DNER: variants seen among roughly 807,000 people sequenced by gnomAD.
DNER encodes the protein delta/notch like EGF repeat containing.
A neutral mutation model predicts 78.2 loss-of-function variants in DNER; 33 were observed. The ratio of observed to expected loss-of-function variants is 0.42; its 90% CI spans 0.32 to 0.56. The LOEUF is 0.56. DNER is among the 20% of genes least tolerant of loss of function. The pLI is 0.11. For missense variants in DNER, 918 were observed against 975.3 expected (o/e 0.94, Z 0.78); for synonymous variants, 417 against 384.8 (o/e 1.08, Z -0.98).
At chr2:229,388,652 T>A (rs1692954600) in intron 10 of DNER, among the ~76,000 whole-genome samples, 2 of 116,864 alleles carry the variant, frequency 1.7e-5, no homozygotes, top group Non-Finnish European at 3.5e-5. Context: ...TATATAGCAC[T>A]GGTAAAAAGA....
chr2:229,476,860 A>G lies in DNER; in HGVS notation c.1261+280T>C, dbSNP rs566956674. On this transcript the variant is annotated intron_variant, in intron 7 of 12. Coordinates refer to ENST00000341772, the MANE Select transcript of DNER (RefSeq NM_139072.4). Reference sequence around the variant, plus strand: ...CAAACAAAATAGAAATCTTAAGTAAATTGTCACCATTAGAGATTCTATTTT... The same window carrying G: ...CAAACAAAATAGAAATCTTAAGTAAGTTGTCACCATTAGAGATTCTATTTT... Among the ~76,000 whole-genome samples, 5 of 152,010 alleles carry G rather than the reference A, an allele frequency of 3.3e-5. No individual in the cohort carries two copies. The South Asian group carries it at 1.0e-3, about 32-fold the overall frequency.
intron 4 of DNER, among the ~76,000 whole-genome samples, chr2:229,581,515 G>C (rs1212052089): frequency 6.6e-6 from 1 of 152,222 alleles, no homozygotes; most frequent in East Asian, 1.9e-4. Context: ...AGAGAGGCCA[G>C]AAGAGTCGAA....
Position 229,357,939 on chromosome 2 carries a change from C to T in DNER, c.*601G>A, listed in dbSNP as rs1046205062. ...CGTATGTTTTTGAGGCCTAGTTCGA[C>T]GACTGTTACGAAAATGACAAAAACA... On this transcript the variant is annotated 3_prime_UTR_variant, in exon 13 of 13. Transcript: ENST00000341772. 7 of 152,594 alleles carry T rather than the reference C, an allele frequency of 4.6e-5. No individual in the cohort carries two copies. The highest frequency in any genetic ancestry group is 8.8e-5 in the Non-Finnish European group (6 of 68,026). 9.5% of individuals were successfully genotyped at this position (152,594 alleles called of 1,614,324 possible). A position where few individuals can be genotyped will look rare whatever the true frequency, so the allele number is the denominator to read the frequency against.
chr2:229,358,575 G>A lies in DNER; in HGVS notation c.2179C>T (p.Pro727Ser). ...TTAGTTTTAATCAGTGTGACCAAGG[G>A]TTTGTCATCAGGACTGTAATCTTCA... ...AYEDYSPDDK[P>S]LVTLIKTKDL The change falls in exon 13 of 13, where the codon CCC becomes TCC. Residue 727 changes from proline to serine, a missense_variant. Physicochemically the swap from Pro to Ser is moderately conservative, Grantham distance 74. Transcript: ENST00000341772. The A allele has an allele frequency of 6.2e-7, 1 of 1,613,498 alleles. No individual in the cohort carries two copies. The highest frequency in any genetic ancestry group is 8.5e-7 in the Non-Finnish European group (1 of 1,179,706).
intron 5 of DNER, among the ~76,000 whole-genome samples, chr2:229,543,778 A>C (rs1350396778): frequency 6.6e-6 from 1 of 152,192 alleles, no homozygotes. Context: ...CCCATAGACA[A>C]GTCCTGCATA....
At position 229,645,097 on chromosome 2, in the gene DNER, A is replaced by G. The variant is rs142129303; in HGVS notation, c.277-53209T>C. On this transcript the variant is annotated intron_variant, in intron 1 of 12. Coordinates refer to ENST00000341772, the MANE Select transcript of DNER (RefSeq NM_139072.4). ...TGGCATGATCAATCTCCTGGGCCCA[A>G]GCAATCATCCTGCCTAAGCTTCCTG... Among the ~76,000 whole-genome samples the G allele has an allele frequency of 9.8e-4, 149 of 152,288 alleles. 1 individual carries two copies. The highest frequency in any genetic ancestry group is 3.1e-3 in the African/African-American group (129 of 41,562).
Position 229,714,530 on chromosome 2 carries a change from C to T in DNER, c.-107G>A, listed in dbSNP as rs1264235569. 1.9e-6 allele frequency: 2 copies of T among 1,043,132 alleles called. No individual in the cohort carries two copies. Among genetic ancestry groups the T allele is most frequent in the South Asian group, 4.4e-5 (1 of 22,618 alleles). The allele number at this position is 1,043,132 out of a possible 1,614,324, so 64.6% of individuals were successfully genotyped here. ...GCGACGGTGGCGGCTAGGGCTGCTC[C>T]GCCGGGCCGGGCGCCTCCTGCAGCT... On this transcript the variant is annotated 5_prime_UTR_variant, in exon 1 of 13. Transcript: ENST00000341772.
chr2:229,375,327 T>C (rs1279708361), intron 11 of DNER, among the ~76,000 whole-genome samples: 1 of 152,240 alleles, frequency 6.6e-6, no homozygotes, highest in Non-Finnish European at 1.5e-5. Context: ...TATCAAGGCC[T>C]AAGGCTCAGA....
rs1275381868 is a variant in DNER, at chr2:229,358,574, G to C, written c.2180C>G (p.Pro727Arg). The C allele has an allele frequency of 2.5e-6, 4 of 1,613,172 alleles. No individual in the cohort carries two copies. The highest frequency in any genetic ancestry group is 3.4e-6 in the Non-Finnish European group (4 of 1,179,666). ...TTTAGTTTTAATCAGTGTGACCAAG[G>C]GTTTGTCATCAGGACTGTAATCTTC... ...AYEDYSPDDK[P>R]LVTLIKTKDL The change falls in exon 13 of 13, where the codon CCC becomes CGC. Residue 727 changes from proline (P) to arginine (R), a missense_variant. By Grantham distance (103) the Pro-to-Arg change is moderately radical. Transcript: ENST00000341772.
At chr2:229,518,451 T>C (rs560161655) in intron 5 of DNER, among the ~76,000 whole-genome samples, 1 of 152,316 alleles carries the variant, frequency 6.6e-6, no homozygotes, top group South Asian at 2.1e-4. Context: ...CCTGTCACAT[T>C]GTGTAAGTGC....
chr2:229,615,256 A>G (rs368169051), intron 1 of DNER, among the ~76,000 whole-genome samples: 2 of 151,860 alleles, frequency 1.3e-5, no homozygotes, highest in East Asian at 1.9e-4. Flanking sequence ...TACTAAAAAT[A>G]CAAAATTAGC....
At chr2:229,439,274 A>G (rs1230789793) in intron 8 of DNER, among the ~76,000 whole-genome samples, 1 of 152,204 alleles carries the variant, frequency 6.6e-6, no homozygotes, top group East Asian at 1.9e-4. Flanking sequence ...AACCTCATAT[A>G]AAAAGAATAA....
intron 10 of DNER, among the ~76,000 whole-genome samples, chr2:229,393,507 T>C (rs1243392662): frequency 1.3e-5 from 2 of 151,834 alleles, no homozygotes; most frequent in South Asian, 2.1e-4. Context: ...AACAGAACAA[T>C]AGAAGCTTGA....
intron 8 of DNER, among the ~76,000 whole-genome samples, chr2:229,434,842 C>T (rs191650926): frequency 3.8e-4 from 58 of 151,742 alleles, no homozygotes; most frequent in Non-Finnish European, 3.2e-4. Context: ...TTTCAAGCAA[C>T]CAAAGATTAA....
rs971029626 is a variant in DNER at position 229,613,979 on chromosome 2, G to A, written c.277-22091C>T. Among the ~76,000 whole-genome samples, 11 of 129,896 alleles carry A rather than the reference G, an allele frequency of 8.5e-5. 1 individual carries two copies. Among genetic ancestry groups the A allele is most frequent in the African/African-American group, 3.1e-4 (11 of 35,498 alleles). The allele number at this position is 129,896 out of a possible 152,430, so 85.2% of individuals were successfully genotyped here. On this transcript the variant is annotated intron_variant, in intron 1 of 12. Transcript: ENST00000341772. Reference sequence around the variant, plus strand: ...CTCATAGATGGGAATTGAACAATGAGAACACATGGACACAGGAAGGGGAAT... The same window carrying A: ...CTCATAGATGGGAATTGAACAATGAAAACACATGGACACAGGAAGGGGAAT...
intron 1 of DNER, among the ~76,000 whole-genome samples, chr2:229,672,409 G>T (rs933331708): frequency 6.6e-6 from 1 of 151,730 alleles, no homozygotes; most frequent in Non-Finnish European, 1.5e-5. Flanking sequence ...GAAGGAGGGA[G>T]GGGGGAGAGA....
rs181153051 is a variant in DNER, at chr2:229,626,013, G to A, written c.277-34125C>T. ...CGGCTCACTGCAAGCTCCGCCTCCC[G>A]GGTTCACGCCATTCTCCTGCCTCAG... On this transcript the variant is annotated intron_variant, in intron 1 of 12. Coordinates refer to ENST00000341772, the MANE Select transcript of DNER (RefSeq NM_139072.4). Among the ~76,000 whole-genome samples, 209 of 151,794 alleles carry A rather than the reference G, an allele frequency of 1.4e-3. 3 individuals are homozygous for A. The East Asian group carries it at 0.037, about 27-fold the overall frequency.
At chr2:229,427,531 TA>T (rs1159204570) in intron 8 of DNER, among the ~76,000 whole-genome samples, 1 of 151,928 alleles carries the variant, frequency 6.6e-6, no homozygotes, top group African/African-American at 2.4e-5. Context: ...AACTGGGAAG[TA>T]TAAGCAATGA....
At chr2:229,521,886 T>C (rs1358684503) in intron 5 of DNER, among the ~76,000 whole-genome samples, 1 of 152,226 alleles carries the variant, frequency 6.6e-6, no homozygotes, top group Non-Finnish European at 1.5e-5. Context: ...CTGGGTCTTA[T>C]TGTTCTATTA....
Sources: gnomAD v4.1 joint callset for allele counts (sites outside exome capture counted in the v4.1 genomes callset) on GRCh38, gnomAD v4.1.1 for gene constraint, MANE v1.5 for transcripts, NCBI Gene and HGNC (gene_info 2026-07-23, HGNC 2026-07-21) for gene names.